Variants in GRID1 observed in about 807,000 individuals in gnomAD.
The protein encoded by GRID1 is glutamate receptor ionotropic, delta-1.
A neutral mutation model predicts 98.0 loss-of-function variants in GRID1; 28 were observed. That is an observed-to-expected ratio of 0.29 (90% CI 0.21 to 0.39). The LOEUF is 0.39. GRID1 is among the 10% of genes least tolerant of loss of function. GRID1 has a pLI of 1.00. For missense variants in GRID1, 1,111 were observed against 1,340.5 expected (o/e 0.83, Z 2.67); for synonymous variants, 553 against 538.5 (o/e 1.03, Z -0.37).
At chr10:85,805,676 T>G (rs888345666) in intron 8 of GRID1, among the ~76,000 whole-genome samples, 1 of 151,816 alleles carries the variant, frequency 6.6e-6, no homozygotes, top group African/African-American at 2.4e-5. Context: ...TGGAAAAAGA[T>G]CCACATATAC....
chr10:86,139,285 C>T (rs770128111), intron 3 of GRID1, among the ~76,000 whole-genome samples: 1 of 152,144 alleles, frequency 6.6e-6, no homozygotes, highest in Non-Finnish European at 1.5e-5. Flanking sequence ...CAGAAAGTGC[C>T]CTTGATTCAT....
At chr10:86,262,991 G>A (rs1008117916) in intron 2 of GRID1, among the ~76,000 whole-genome samples, 22 of 151,214 alleles carry the variant, frequency 1.5e-4, no homozygotes, top group African/African-American at 5.3e-4. Context: ...TCAGCGCGCT[G>A]GGAGGGAGTC....
chr10:85,814,009 A>C (rs1842695504), intron 8 of GRID1, among the ~76,000 whole-genome samples: 1 of 151,878 alleles, frequency 6.6e-6, no homozygotes. Flanking sequence ...TAAAAATTTA[A>C]ATAATTCAAA....
chr10:85,728,556 A>T (rs1044080001), intron 9 of GRID1, among the ~76,000 whole-genome samples: 2 of 152,242 alleles, frequency 1.3e-5, no homozygotes, highest in African/African-American at 4.8e-5. Flanking sequence ...GACCAAGGCC[A>T]GACCAGAAGC....
At position 85,693,479 on chromosome 10, in the gene GRID1, A is replaced by G. The variant is rs111273650; in HGVS notation, c.1997+29524T>C. The stretch of plus-strand genomic sequence containing the variant: ...TAAGACCTTAAGTTAATAATAAGGT[A>G]TCAGTATTGGCTCATCAACTGTAAC... On this transcript the variant is annotated intron_variant, in intron 12 of 15. Transcript: ENST00000327946. Among the ~76,000 whole-genome samples the G allele has an allele frequency of 5.0e-3, 766 of 152,300 alleles. 2 individuals are homozygous for G. Among genetic ancestry groups the G allele is most frequent in the African/African-American group, 0.018 (729 of 41,570 alleles).
At chr10:85,836,518 C>A (rs1355082471) in intron 8 of GRID1, among the ~76,000 whole-genome samples, 1 of 152,178 alleles carries the variant, frequency 6.6e-6, no homozygotes, top group Non-Finnish European at 1.5e-5. Context: ...CCACAGGCCT[C>A]TGGATTCCAG....
intron 4 of GRID1, among the ~76,000 whole-genome samples, chr10:85,925,819 A>C (rs1203079470): frequency 6.6e-6 from 1 of 152,212 alleles, no homozygotes; most frequent in Non-Finnish European, 1.5e-5. Flanking sequence ...GCTCAATTAA[A>C]GCATTAGCGC....
intron 3 of GRID1, among the ~76,000 whole-genome samples, chr10:86,162,054 A>G (rs1001110541): frequency 6.6e-6 from 1 of 152,228 alleles, no homozygotes; most frequent in Non-Finnish European, 1.5e-5. Flanking sequence ...AAGACACCCA[A>G]CCAGTGGTAG....
chr10:86,335,799 G>T (rs1848213496), intron 2 of GRID1, among the ~76,000 whole-genome samples: 3 of 152,216 alleles, frequency 2.0e-5, no homozygotes, highest in African/African-American at 7.2e-5. Flanking sequence ...CACTCTGAAA[G>T]TATCTGACTC....
chr10:86,165,176 A>T (rs12247689), intron 3 of GRID1, among the ~76,000 whole-genome samples: 9,223 of 152,192 alleles, frequency 0.061, 529 homozygotes, highest in African/African-American at 0.15. Context: ...TCCTGGAGGG[A>T]TACTCGCAGT....
At chr10:86,184,882 T>C (rs1220682970) in intron 3 of GRID1, among the ~76,000 whole-genome samples, 1 of 152,094 alleles carries the variant, frequency 6.6e-6, no homozygotes, top group Non-Finnish European at 1.5e-5. Context: ...CTTGTAGTCA[T>C]GTAGTGAAAT....
intron 3 of GRID1, among the ~76,000 whole-genome samples, chr10:86,159,708 AG>A (rs1291964181): frequency 1.3e-5 from 2 of 152,208 alleles, no homozygotes; most frequent in African/African-American, 2.4e-5. Context: ...GGACAGAGGC[AG>A]GGGGCACAGG....
At chr10:86,066,407 C>G (rs1047664848) in intron 4 of GRID1, among the ~76,000 whole-genome samples, 2 of 152,092 alleles carry the variant, frequency 1.3e-5, no homozygotes, top group Non-Finnish European at 2.9e-5. Flanking sequence ...GGGCTGTGTG[C>G]CAGGGGTATT....
Position 85,847,928 on chromosome 10 carries a change from A to T in GRID1, c.1233+6568T>A, listed in dbSNP as rs1843022316. Among the ~76,000 whole-genome samples, 2 of 152,222 alleles carry T rather than the reference A, an allele frequency of 1.3e-5. 1 individual carries two copies. Among genetic ancestry groups the T allele is most frequent in the South Asian group, 4.1e-4 (2 of 4,830 alleles). ...TATTTATTGGAACAAAATATTGAAC[A>T]CAAATAACTATCAATTCCTTTCTGA... On this transcript the variant is annotated intron_variant, in intron 8 of 15. Transcript: ENST00000327946.
chr10:85,702,559 T>G (rs114993755), intron 12 of GRID1, among the ~76,000 whole-genome samples: 312 of 152,230 alleles, frequency 2.0e-3, no homozygotes, highest in African/African-American at 7.1e-3. Context: ...AGTTTCTGTT[T>G]GCATATACAA....
chr10:86,202,536 C>T (rs992370868), intron 3 of GRID1, among the ~76,000 whole-genome samples: 1 of 152,222 alleles, frequency 6.6e-6, no homozygotes, highest in African/African-American at 2.4e-5. Flanking sequence ...TTTAATGTTG[C>T]AAATTTTCTC....
At chr10:85,912,530 T>C (rs962560780) in intron 5 of GRID1, among the ~76,000 whole-genome samples, 6 of 151,896 alleles carry the variant, frequency 4.0e-5, no homozygotes, top group African/African-American at 1.4e-4. Context: ...GGAAAATGCA[T>C]AAAACAAATC....
At chr10:86,264,703 C>G (rs905433714) in intron 2 of GRID1, 2 of 479,132 alleles carry the variant, frequency 4.2e-6, no homozygotes, top group Admixed American at 2.3e-5. Flanking sequence ...GCCGCTCTGC[C>G]CAGGCAGCTG....
intron 4 of GRID1, among the ~76,000 whole-genome samples, chr10:85,933,072 G>A (rs867608958): frequency 6.6e-6 from 1 of 152,172 alleles, no homozygotes; most frequent in African/African-American, 2.4e-5. Context: ...CCATCCTCAT[G>A]TATAGATTAA....
Sources: allele counts gnomAD v4.1 joint callset (sites outside exome capture counted in the v4.1 genomes callset), GRCh38; gene constraint gnomAD v4.1.1; transcripts MANE v1.5; gene names NCBI Gene and HGNC (gene_info 2026-07-23, HGNC 2026-07-21).